MGST1: variants seen among roughly 807,000 people sequenced by gnomAD.
MGST1 encodes the protein microsomal glutathione S-transferase 1.
Under a neutral mutation model 8.9 loss-of-function variants are expected in MGST1, and 5 were observed. The observed-to-expected ratio is 0.56, with a 90% CI of 0.29 to 1.19. MGST1 has a LOEUF of 1.19. Among genes scored for constraint, MGST1 ranks in the 50% most tolerant of loss-of-function variants. MGST1 has a pLI of 0.08. For synonymous variants in MGST1, 54 were observed against 67.8 expected (o/e 0.80, Z 1.00); for missense variants, 182 against 187.4 (o/e 0.97, Z 0.17).
intron 4 of MGST1, among the ~76,000 whole-genome samples, chr12:16,522,231 A>G (rs1941653041): frequency 6.6e-6 from 1 of 152,072 alleles, no homozygotes; most frequent in Admixed American, 6.6e-5. Flanking sequence ...TGACGATGGG[A>G]TCGATGGAAG....
chr12:16,575,141 T>C (rs16912040), intron 4 of MGST1, among the ~76,000 whole-genome samples: 1,833 of 152,300 alleles, frequency 0.012, 115 homozygotes, highest in East Asian at 0.11. Context: ...TAATCTAAAC[T>C]TAACATTATG....
Position 16,506,990 on chromosome 12 carries a change from C to G in MGST1, n.483-82538C>G, listed in dbSNP as rs75665118. ...GGGGCTCCAGGCCCAATAAAGGACA[C>G]AGACAATAGAACAGTGAAAATAATA... On this transcript the variant is annotated intron_variant and non_coding_transcript_variant, in intron 4 of 4. Transcript: ENST00000538857. Among the ~76,000 whole-genome samples the G allele has an allele frequency of 1.4e-3, 218 of 152,284 alleles. 1 individual carries two copies. Among genetic ancestry groups the G allele is most frequent in the African/African-American group, 5.0e-3 (208 of 41,566 alleles).
downstream of MGST1, among the ~76,000 whole-genome samples, chr12:16,590,539 C>G (rs551629997): frequency 8.0e-4 from 122 of 151,752 alleles, no homozygotes; most frequent in African/African-American, 2.9e-3. Flanking sequence ...TAGCGGACTT[C>G]AAGAGTAGAA....
At position 16,513,828 on chromosome 12, in the gene MGST1, T is replaced by G. The variant is rs531147015; in HGVS notation, n.483-75700T>G. On this transcript the variant is annotated intron_variant and non_coding_transcript_variant, in intron 4 of 4. Coordinates refer to the MGST1 transcript ENST00000538857. The surrounding 1 kb of genome is among the most constrained non-coding windows in gnomAD (Gnocchi z 4.2). ...GAGCTAGTTTTCTGCAAAGATTTCTTAAGTTCAGCCAAGATGTCTTTCTGC... is the reference window on the plus strand; with the variant it reads ...GAGCTAGTTTTCTGCAAAGATTTCTGAAGTTCAGCCAAGATGTCTTTCTGC... 1.1e-4 allele frequency: 70 copies of G among 611,002 alleles called. No homozygotes were observed. Among genetic ancestry groups the G allele is most frequent in the Middle Eastern group, 1.1e-3 (4 of 3,584 alleles). The allele number at this position is 611,002 out of a possible 1,614,324, so 37.8% of individuals were successfully genotyped here. A position where few individuals can be genotyped will look rare whatever the true frequency, so the allele number is the denominator to read the frequency against.
chr12:16,495,414 A>C (rs1238682016), intron 4 of MGST1, among the ~76,000 whole-genome samples: 1 of 152,062 alleles, frequency 6.6e-6, no homozygotes, highest in Non-Finnish European at 1.5e-5. Context: ...TCAGTATTGC[A>C]CAATATACCC....
chr12:16,537,818 C>T lies in MGST1; in HGVS notation n.483-51710C>T, dbSNP rs1591754743. On this transcript the variant is annotated intron_variant and non_coding_transcript_variant, in intron 4 of 4. Transcript: ENST00000538857. This position sits in a 1 kb window ranked among gnomAD's most constrained non-coding sequence, Gnocchi z 4.6. Reference sequence around the variant, plus strand: ...CAGCATGGGGATCCTGGGCCCAGCCCAGGAAACCATTTTTTCCTCCTAGCC... The same window carrying T: ...CAGCATGGGGATCCTGGGCCCAGCCTAGGAAACCATTTTTTCCTCCTAGCC... 6.6e-6 allele frequency among the ~76,000 whole-genome samples: 1 copy of T among 152,280 alleles called. No homozygotes were observed. The highest frequency in any genetic ancestry group is 1.5e-5 in the Non-Finnish European group (1 of 68,006).
chr12:16,529,257 G>T (rs1941707069), intron 4 of MGST1, among the ~76,000 whole-genome samples: 1 of 151,820 alleles, frequency 6.6e-6, no homozygotes, highest in African/African-American at 2.4e-5. Flanking sequence ...ATGATGATTT[G>T]TTTCATTTCC....
At chr12:16,461,186 A>C (rs1428064567) in intron 4 of MGST1, among the ~76,000 whole-genome samples, 1 of 151,570 alleles carries the variant, frequency 6.6e-6, no homozygotes, top group East Asian at 1.9e-4. Flanking sequence ...AAAGGAAAAA[A>C]AAAAAAAGCA....
rs1941813819 is a variant in MGST1, at chr12:16,544,781, CT to C, written n.483-44746del. Among the ~76,000 whole-genome samples, 2 of 152,008 alleles carry C rather than the reference CT, an allele frequency of 1.3e-5. No homozygotes were observed. Among genetic ancestry groups the C allele is most frequent in the South Asian group, 4.2e-4 (2 of 4,818 alleles). ...GCACTGGGTTATGAAAAATTATAAC[CT>C]ATATGAAAGACTTGGAATTATGAAA... On this transcript the variant is annotated intron_variant and non_coding_transcript_variant, in intron 4 of 4. Coordinates refer to the MGST1 transcript ENST00000538857. This position sits in a 1 kb window ranked among gnomAD's most constrained non-coding sequence, Gnocchi z 4.8.
At chr12:16,526,289 T>C (rs539208988) in intron 4 of MGST1, among the ~76,000 whole-genome samples, 70 of 152,136 alleles carry the variant, frequency 4.6e-4, no homozygotes, top group South Asian at 1.0e-3. Context: ...TTTTAAGTAA[T>C]AAAGTTAAGT....
chr12:16,565,436 TA>T (rs1052547899), intron 4 of MGST1, among the ~76,000 whole-genome samples: 4 of 152,202 alleles, frequency 2.6e-5, no homozygotes, highest in African/African-American at 9.6e-5. Flanking sequence ...GTTTTCAACT[TA>T]AAAAGTTAGC....
At chr12:16,351,529 G>A (rs534046527) in intron 1 of MGST1, among the ~76,000 whole-genome samples, 1 of 152,056 alleles carries the variant, frequency 6.6e-6, no homozygotes, top group African/African-American at 2.4e-5. Context: ...AAATAGGGGG[G>A]CCAGGCATGG....
Position 16,547,343 on chromosome 12 carries a change from T to G in MGST1, n.483-42185T>G, listed in dbSNP as rs186112999. 2.6e-4 allele frequency among the ~76,000 whole-genome samples: 39 copies of G among 152,286 alleles called. No individual in the cohort carries two copies. Among genetic ancestry groups the G allele is most frequent in the African/African-American group, 9.1e-4 (38 of 41,566 alleles). ...AGCAATCTGAGGGTGACTCATTAAT[T>G]AATTGATGTTCTTTTTTATCATGTG... On this transcript the variant is annotated intron_variant and non_coding_transcript_variant, in intron 4 of 4. Transcript: ENST00000538857. This position sits in a 1 kb window ranked among gnomAD's most constrained non-coding sequence, Gnocchi z 4.6.
chr12:16,504,814 C>T (rs1262789398), intron 4 of MGST1, among the ~76,000 whole-genome samples: 2 of 152,138 alleles, frequency 1.3e-5, no homozygotes, highest in Non-Finnish European at 2.9e-5. Flanking sequence ...CACAAACTTG[C>T]TTAAAATTTA....
chr12:16,561,945 A>G (rs1332737590), intron 4 of MGST1, among the ~76,000 whole-genome samples: 1 of 152,238 alleles, frequency 6.6e-6, no homozygotes, highest in African/African-American at 2.4e-5. Flanking sequence ...AGAAGATCAA[A>G]TTCATAATTG....
intron 4 of MGST1, among the ~76,000 whole-genome samples, chr12:16,485,746 T>C (rs928310202): frequency 3.3e-5 from 5 of 152,208 alleles, no homozygotes; most frequent in Non-Finnish European, 5.9e-5. Flanking sequence ...ATGCATGTCA[T>C]GGAACAAAGC....
chr12:16,376,723 GA>G (rs1378527555), exon 4 of MGST1: 1 of 151,992 alleles, frequency 6.6e-6, no homozygotes, highest in African/African-American at 2.4e-5. Context: ...TAATATTAAT[GA>G]AATATGTTAA....
intron 4 of MGST1, among the ~76,000 whole-genome samples, chr12:16,525,368 C>T (rs914543113): frequency 1.3e-5 from 2 of 148,582 alleles, no homozygotes; most frequent in African/African-American, 5.0e-5. Flanking sequence ...TGTTCAATTC[C>T]CACCTATGAG....
intron 1 of MGST1, among the ~76,000 whole-genome samples, chr12:16,424,491 G>C (rs539589150): frequency 6.6e-6 from 1 of 152,264 alleles, no homozygotes; most frequent in East Asian, 1.9e-4. Flanking sequence ...TTGAACATTT[G>C]AGTTGAAATT....
Sources: allele counts gnomAD v4.1 joint callset (sites outside exome capture counted in the v4.1 genomes callset), GRCh38; gene constraint gnomAD v4.1.1; non-coding constraint Gnocchi (gnomAD v3.1); transcripts MANE v1.5; gene names NCBI Gene and HGNC (gene_info 2026-07-23, HGNC 2026-07-21).